Variants in GRM7 observed in about 807,000 individuals in gnomAD.
The protein encoded by GRM7 is glutamate metabotropic receptor 7.
A neutral mutation model predicts 84.5 loss-of-function variants in GRM7; 35 were observed. The observed-to-expected ratio is 0.41, with a 90% CI of 0.32 to 0.55. The LOEUF is 0.55. Among genes scored for constraint, GRM7 ranks in the 20% least tolerant of loss-of-function variants. The pLI is 0.19. For missense variants in GRM7, 1,003 were observed against 1,194.6 expected, an observed-to-expected ratio of 0.84 and a Z score of 2.36; for synonymous variants, 487 against 455.1, an observed-to-expected ratio of 1.07 and a Z score of -0.89.
In GRM7 at chr3:7,666,620, C is replaced by T. The variant is rs1054915254; in HGVS notation, c.2452-13429C>T. On this transcript the variant is annotated intron_variant, in intron 8 of 9. Coordinates refer to ENST00000357716, the MANE Select transcript of GRM7 (RefSeq NM_000844.4). ...AATGATAACGGCCAAAACGTTAGAACTTAAAAATGGTAGCCACTGGTCTTT... is the reference window on the plus strand; with the variant it reads ...AATGATAACGGCCAAAACGTTAGAATTTAAAAATGGTAGCCACTGGTCTTT... Among the ~76,000 whole-genome samples the T allele has an allele frequency of 6.6e-5, 10 of 152,134 alleles. No homozygotes were observed. The East Asian group carries it at 1.7e-3, about 26-fold the overall frequency.
intron 7 of GRM7, among the ~76,000 whole-genome samples, chr3:7,516,496 A>AC (rs1559373921): frequency 6.7e-6 from 1 of 149,672 alleles, no homozygotes; most frequent in East Asian, 1.9e-4. Context: ...AAAAAAAAAA[A>AC]AAAAAAAAAG....
intron 2 of GRM7, among the ~76,000 whole-genome samples, chr3:7,196,836 A>G (rs1252296066): frequency 6.6e-6 from 1 of 152,170 alleles, no homozygotes; most frequent in Non-Finnish European, 1.5e-5. Flanking sequence ...TTCTCCATGA[A>G]TTCAGGGACC....
chr3:7,659,970 T>C (rs1204853108), intron 8 of GRM7, among the ~76,000 whole-genome samples: 1 of 152,194 alleles, frequency 6.6e-6, no homozygotes, highest in Non-Finnish European at 1.5e-5. Context: ...GTTAGGGAAG[T>C]AGTAGCATCT....
chr3:7,339,244 C>T (rs1048055670), intron 4 of GRM7, among the ~76,000 whole-genome samples: 2 of 152,002 alleles, frequency 1.3e-5, no homozygotes, highest in Non-Finnish European at 2.9e-5. Context: ...GGAATATATA[C>T]CTGCAAGAGA....
At chr3:7,083,789 A>G (rs1292784136) in intron 1 of GRM7, among the ~76,000 whole-genome samples, 1 of 152,134 alleles carries the variant, frequency 6.6e-6, no homozygotes, top group Non-Finnish European at 1.5e-5. Flanking sequence ...ATTCTCTGTG[A>G]GTGCTACGAC....
chr3:7,569,771 C>G (rs1559409378), intron 7 of GRM7, among the ~76,000 whole-genome samples: 1 of 152,148 alleles, frequency 6.6e-6, no homozygotes, highest in Non-Finnish European at 1.5e-5. Flanking sequence ...AGCTGTAACA[C>G]TCACCGCGAA....
intron 7 of GRM7, among the ~76,000 whole-genome samples, chr3:7,558,239 T>C (rs1284880896): frequency 6.6e-6 from 1 of 152,084 alleles, no homozygotes; most frequent in African/African-American, 2.4e-5. Context: ...GGAATAATTC[T>C]TACCTTATGT....
intron 1 of GRM7, among the ~76,000 whole-genome samples, chr3:7,093,099 A>G (rs1045753752): frequency 1.3e-5 from 2 of 152,120 alleles, no homozygotes; most frequent in African/African-American, 4.8e-5. Flanking sequence ...CGACAACAAC[A>G]ATAAAAAGGA....
chr3:7,381,819 GATA>G (rs1694603603), intron 4 of GRM7, among the ~76,000 whole-genome samples: 1 of 152,110 alleles, frequency 6.6e-6, no homozygotes, highest in South Asian at 2.1e-4. Flanking sequence ...ATCTTAAAGT[GATA>G]ATAATGGGAG....
At position 7,165,309 on chromosome 3, in the gene GRM7, A is replaced by G. The variant is rs992629173; in HGVS notation, c.736+18641A>G. On this transcript the variant is annotated intron_variant, in intron 2 of 9. Transcript: ENST00000357716. The stretch of plus-strand genomic sequence containing the variant: ...ACAATCACAAGCTAGATTTGCTCAT[A>G]CAAGGCCAGCCTCTGGCCCCCTGGT... 2.2e-4 allele frequency among the ~76,000 whole-genome samples: 34 copies of G among 152,362 alleles called. 3 individuals carry two copies. Among genetic ancestry groups the G allele is most frequent in the Admixed American group, 1.3e-3 (20 of 15,302 alleles).
rs144893249 is a variant in GRM7, at chr3:6,915,925, G to A, written c.519+54018G>A. ...TGAGCTTCAGCCTATGTGGATAATG[G>A]CAAAGTCAGAGTTTGATTGTTTTCT... On this transcript the variant is annotated intron_variant, in intron 1 of 9. Coordinates refer to ENST00000357716, the MANE Select transcript of GRM7 (RefSeq NM_000844.4). Among the ~76,000 whole-genome samples the A allele has an allele frequency of 5.3e-5, 8 of 152,212 alleles. No individual in the cohort carries two copies. The East Asian group carries it at 1.4e-3, about 26-fold the overall frequency.
At chr3:7,297,175 A>G (rs1699844491) in intron 2 of GRM7, among the ~76,000 whole-genome samples, 1 of 152,154 alleles carries the variant, frequency 6.6e-6, no homozygotes. Context: ...TGTAACTTAC[A>G]AATATTGATA....
intron 1 of GRM7, among the ~76,000 whole-genome samples, chr3:6,950,021 G>A (rs1304614615): frequency 1.3e-5 from 2 of 152,126 alleles, no homozygotes; most frequent in African/African-American, 4.8e-5. Context: ...TTAGCTCGGA[G>A]TAGTTTGATC....
intron 1 of GRM7, among the ~76,000 whole-genome samples, chr3:6,886,633 A>C (rs1559307003): frequency 6.6e-6 from 1 of 152,096 alleles, no homozygotes; most frequent in Non-Finnish European, 1.5e-5. Flanking sequence ...CTGTAAAAAA[A>C]TACTAATGAA....
intron 1 of GRM7, among the ~76,000 whole-genome samples, chr3:7,105,804 G>A (rs1692610512): frequency 1.3e-5 from 2 of 151,730 alleles, no homozygotes; most frequent in Admixed American, 6.6e-5. Flanking sequence ...TCTATATATG[G>A]TATTTGAGAT....
intron 1 of GRM7, among the ~76,000 whole-genome samples, chr3:6,960,614 C>T (rs924184126): frequency 3.9e-5 from 6 of 152,094 alleles, no homozygotes; most frequent in Non-Finnish European, 7.3e-5. Flanking sequence ...CTTTCCAATT[C>T]CTCACTCTCC....
At chr3:7,448,232 C>A (rs1040276004) in intron 5 of GRM7, among the ~76,000 whole-genome samples, 1 of 151,372 alleles carries the variant, frequency 6.6e-6, no homozygotes, top group Non-Finnish European at 1.5e-5. Context: ...GTCTTTATAG[C>A]AGCATGATTT....
At chr3:7,398,894 A>T (rs1695329543) in intron 4 of GRM7, among the ~76,000 whole-genome samples, 2 of 151,876 alleles carry the variant, frequency 1.3e-5, no homozygotes, top group African/African-American at 4.8e-5. Context: ...CCCTCTTTCT[A>T]CTTCTCTGAC....
At chr3:7,439,112 C>G (rs956772023) in intron 5 of GRM7, among the ~76,000 whole-genome samples, 4 of 152,082 alleles carry the variant, frequency 2.6e-5, no homozygotes, top group Admixed American at 6.5e-5. Flanking sequence ...ATCCCAAACC[C>G]TGAGACTCAT....
Sources: allele counts gnomAD v4.1 joint callset (sites outside exome capture counted in the v4.1 genomes callset), GRCh38; gene constraint gnomAD v4.1.1; transcripts MANE v1.5; gene names NCBI Gene and HGNC (gene_info 2026-07-23, HGNC 2026-07-21).